Variants in MAD1L1 observed in about 807,000 individuals in gnomAD.
MAD1L1 encodes the protein mitotic spindle assembly checkpoint protein MAD1.
A neutral mutation model predicts 96.9 loss-of-function variants in MAD1L1; 95 were observed. The ratio of observed to expected loss-of-function variants is 0.98; its 90% confidence interval spans 0.83 to 1.16. The LOEUF (loss-of-function observed/expected upper bound fraction) is 1.16. MAD1L1 is among the 50% of genes most tolerant of loss of function. The probability of loss-of-function intolerance (pLI) is 0.00; values close to 1 mark genes in which losing one functional copy is unlikely to be tolerated. For synonymous variants in MAD1L1, 473 were observed against 396.6 expected, an observed-to-expected ratio of 1.19 and a Z score of -2.29; for missense variants, 1,007 against 954.4, an observed-to-expected ratio of 1.06 and a Z score of -0.73.
intron 16 of MAD1L1, among the ~76,000 whole-genome samples, chr7:1,946,744 G>A (rs538371183): frequency 4.6e-5 from 7 of 152,240 alleles, no homozygotes; most frequent in Non-Finnish European, 1.0e-4. Context: ...CCTCCAGGCT[G>A]GGCCTAGGGT....
chr7:2,187,701 A>T (rs1227358150), intron 10 of MAD1L1, among the ~76,000 whole-genome samples: 1 of 152,230 alleles, frequency 6.6e-6, no homozygotes, highest in African/African-American at 2.4e-5. Flanking sequence ...TAGAAAGCAC[A>T]TGTAAGACAT....
At chr7:1,980,339 A>G (rs891784074) in intron 15 of MAD1L1, 114 bp downstream of exon 15, 58 of 780,092 alleles carry the variant, frequency 7.4e-5, no homozygotes, top group South Asian at 4.9e-4. Context: ...CTCCTCCCCC[A>G]CAGGACACAC....
intron 18 of MAD1L1, among the ~76,000 whole-genome samples, chr7:1,875,143 G>A (rs895458427): frequency 6.6e-6 from 1 of 152,108 alleles, no homozygotes; most frequent in Admixed American, 6.5e-5. Context: ...AGCTCCCCTG[G>A]CTGCCCCAGA....
chr7:2,139,740 G>C (rs1432712006), intron 11 of MAD1L1, among the ~76,000 whole-genome samples: 1 of 152,210 alleles, frequency 6.6e-6, no homozygotes, highest in Non-Finnish European at 1.5e-5. Context: ...CTCCAGCAGG[G>C]GCCAGTGTGA....
At chr7:2,169,130 A>T (rs1790584160) in intron 10 of MAD1L1, among the ~76,000 whole-genome samples, 1 of 152,204 alleles carries the variant, frequency 6.6e-6, no homozygotes, top group Non-Finnish European at 1.5e-5. Flanking sequence ...CAAGCGTGGG[A>T]TGGCCTCCTG....
At chr7:1,864,364 T>C (rs914808445) in intron 18 of MAD1L1, among the ~76,000 whole-genome samples, 3 of 152,340 alleles carry the variant, frequency 2.0e-5, no homozygotes, top group Admixed American at 6.5e-5. Flanking sequence ...TCGGGGGAAC[T>C]TGCCTTTGGC....
At chr7:1,820,283 T>G (rs538643274) in intron 18 of MAD1L1, among the ~76,000 whole-genome samples, 20 of 152,132 alleles carry the variant, frequency 1.3e-4, no homozygotes, top group Non-Finnish European at 2.5e-4. Context: ...CCCAAGGCAG[T>G]GCTTAGAGGG....
At chr7:2,042,117 A>G (rs905380527) in intron 12 of MAD1L1, among the ~76,000 whole-genome samples, 2 of 151,800 alleles carry the variant, frequency 1.3e-5, no homozygotes, top group African/African-American at 4.8e-5. Flanking sequence ...GCACACACAC[A>G]CGCAGACACA....
At chr7:1,976,932 C>G (rs1052665355) in intron 15 of MAD1L1, among the ~76,000 whole-genome samples, 14 of 152,248 alleles carry the variant, frequency 9.2e-5, no homozygotes, top group African/African-American at 1.7e-4. Context: ...AGAGCACTGA[C>G]TGGTGCGTTT....
intron 10 of MAD1L1, among the ~76,000 whole-genome samples, chr7:2,151,744 AG>A (rs1389964904): frequency 2.0e-5 from 3 of 152,202 alleles, no homozygotes; most frequent in African/African-American, 4.8e-5. Context: ...TTTAGCAATG[AG>A]GGGGGAAATG....
intron 17 of MAD1L1, among the ~76,000 whole-genome samples, chr7:1,908,659 C>G (rs1787825764): frequency 6.6e-6 from 1 of 152,312 alleles, no homozygotes; most frequent in Admixed American, 6.5e-5. Flanking sequence ...CGCACCCGGC[C>G]TCTCTTTCAG....
At chr7:2,222,011 A>G (rs562471944) in intron 5 of MAD1L1, among the ~76,000 whole-genome samples, 120 of 152,200 alleles carry the variant, frequency 7.9e-4, no homozygotes, top group African/African-American at 1.8e-3. Context: ...AACGTCCACA[A>G]ACAACAAAAA....
At chr7:1,977,065 C>A (rs1294275624) in intron 15 of MAD1L1, among the ~76,000 whole-genome samples, 1 of 152,266 alleles carries the variant, frequency 6.6e-6, no homozygotes, top group Non-Finnish European at 1.5e-5. Flanking sequence ...GTGGATCCCA[C>A]GCCGGGCTGG....
intron 17 of MAD1L1, among the ~76,000 whole-genome samples, chr7:1,925,147 C>T (rs1333761263): frequency 2.0e-5 from 3 of 152,070 alleles, no homozygotes; most frequent in Non-Finnish European, 2.9e-5. Flanking sequence ...ATCTATTAAT[C>T]GGCAGAACAC....
intron 11 of MAD1L1, among the ~76,000 whole-genome samples, chr7:2,082,399 G>C (rs1785699132): frequency 6.6e-6 from 1 of 151,974 alleles, no homozygotes; most frequent in Admixed American, 6.6e-5. Context: ...AAGGGAGATG[G>C]GAGAGACAGA....
At chr7:2,031,653 C>A (rs865884386) in intron 12 of MAD1L1, among the ~76,000 whole-genome samples, 1 of 152,254 alleles carries the variant, frequency 6.6e-6, no homozygotes, top group Non-Finnish European at 1.5e-5. Flanking sequence ...CTGGGACCAT[C>A]CTGACAGGAA....
chr7:2,186,420 A>C (rs559990783), intron 10 of MAD1L1, among the ~76,000 whole-genome samples: 1 of 152,264 alleles, frequency 6.6e-6, no homozygotes, highest in Admixed American at 6.5e-5. Context: ...GGAAAATAAT[A>C]TAACAATACA....
intron 18 of MAD1L1, among the ~76,000 whole-genome samples, chr7:1,828,964 C>T (rs921793941): frequency 2.6e-5 from 4 of 151,932 alleles, no homozygotes; most frequent in African/African-American, 7.3e-5. Flanking sequence ...TCAGACATGG[C>T]GAAAACAGGA....
intron 14 of MAD1L1, among the ~76,000 whole-genome samples, chr7:1,987,072 G>A (rs564863700): frequency 1.6e-4 from 24 of 151,954 alleles, no homozygotes; most frequent in African/African-American, 3.4e-4. Context: ...TACACCCCCC[G>A]CTCCCATCCA....
Sources: gnomAD v4.1 joint callset for allele counts (sites outside exome capture counted in the v4.1 genomes callset) on GRCh38, gnomAD v4.1.1 for gene constraint, MANE v1.5 for transcripts, NCBI Gene and HGNC (gene_info 2026-07-23, HGNC 2026-07-21) for gene names.